Variants in GRIN2B observed in about 807,000 individuals in gnomAD.
The protein encoded by GRIN2B is glutamate ionotropic receptor NMDA type subunit 2B.
Under a neutral mutation model 114.5 loss-of-function variants are expected in GRIN2B, and 5 were observed. That is an observed-to-expected ratio of 0.04 (90% CI 0.02 to 0.09). The LOEUF is 0.09. Among genes scored for constraint, GRIN2B ranks in the 10% least tolerant of loss-of-function variants. The pLI, the probability that GRIN2B is intolerant of heterozygous loss-of-function variation, is 1.00. For missense variants in GRIN2B, 1,108 were observed against 1,943.5 expected (o/e 0.57, Z 8.08); for synonymous variants, 787 against 745.1 (o/e 1.06, Z -0.92).
rs1441711429 is a variant in GRIN2B at position 13,558,933 on chromosome 12, ACT to A, written c.*3848_*3849del. The A allele has an allele frequency of 1.3e-5, 2 of 152,200 alleles. No individual in the cohort carries two copies. The highest frequency in any genetic ancestry group is 2.9e-5 in the Non-Finnish European group (2 of 68,060). The allele number at this position is 152,200 out of a possible 1,614,324, so 9.4% of individuals were successfully genotyped here. On this transcript the variant is annotated 3_prime_UTR_variant, in exon 14 of 14. Coordinates refer to ENST00000609686, the MANE Select transcript of GRIN2B (RefSeq NM_000834.5). The stretch of plus-strand genomic sequence containing the variant: ...CTGAAAGGAGTTCATACAGGACCAC[ACT>A]CACCAACCACTTCTGCAATGGAAGG...
At chr12:13,792,038 A>G (rs996456773) in intron 3 of GRIN2B, among the ~76,000 whole-genome samples, 7 of 152,208 alleles carry the variant, frequency 4.6e-5, no homozygotes, top group African/African-American at 1.4e-4. Flanking sequence ...GCTCCCATAG[A>G]TGGATGAGAA....
Position 13,564,064 on chromosome 12 carries a change from G to GGGTT in GRIN2B, c.3173_3174insAACC (p.Asp1059ThrfsTer5), listed in dbSNP as rs758734049. 1 of 1,614,154 alleles carries GGGTT rather than the reference G, an allele frequency of 6.2e-7. No individual in the cohort carries two copies. The highest frequency in any genetic ancestry group is 8.5e-7 in the Non-Finnish European group (1 of 1,179,990). On this transcript the variant is annotated frameshift_variant, in exon 14 of 14. Coordinates refer to ENST00000609686, the MANE Select transcript of GRIN2B (RefSeq NM_000834.5). LOFTEE classifies it high-confidence loss of function. The surrounding 1 kb of genome is among the most constrained non-coding windows in gnomAD (Gnocchi z 4.8). ...TGTGGGTTGAGATGTCAGAGACATC[G>GGGTT]GAGCGGATCAAGTCGTCGTGGCCAC...
chr12:13,621,579 T>C (rs1300049320), intron 5 of GRIN2B, among the ~76,000 whole-genome samples: 2 of 134,952 alleles, frequency 1.5e-5, no homozygotes, highest in Non-Finnish European at 3.2e-5. Flanking sequence ...CAAAATCATC[T>C]TTTTCAAGAG....
chr12:13,721,264 GA>G (rs2136593116), intron 4 of GRIN2B, among the ~76,000 whole-genome samples: 1 of 152,136 alleles, frequency 6.6e-6, no homozygotes, highest in East Asian at 1.9e-4. Flanking sequence ...AAGGGGAATA[GA>G]AAAAGTAAGG....
chr12:13,666,243 C>T (rs1949974214), intron 5 of GRIN2B, among the ~76,000 whole-genome samples: 1 of 152,138 alleles, frequency 6.6e-6, no homozygotes, highest in Non-Finnish European at 1.5e-5. Context: ...TCCCCTGGCA[C>T]AGATTTGCTT....
intron 10 of GRIN2B, among the ~76,000 whole-genome samples, chr12:13,578,916 C>T (rs539115752): frequency 6.6e-6 from 1 of 151,998 alleles, no homozygotes; most frequent in East Asian, 1.9e-4. Flanking sequence ...GCTCAGGAAA[C>T]AGCAAATGCA....
chr12:13,588,627 G>A (rs1000954379), intron 10 of GRIN2B, among the ~76,000 whole-genome samples: 1 of 152,194 alleles, frequency 6.6e-6, no homozygotes, highest in Non-Finnish European at 1.5e-5. Context: ...ACAGGAACAG[G>A]CTTTGTCAAA....
intron 4 of GRIN2B, among the ~76,000 whole-genome samples, chr12:13,689,332 C>T (rs1170446462): frequency 3.3e-5 from 5 of 152,140 alleles, no homozygotes; most frequent in Non-Finnish European, 5.9e-5. Flanking sequence ...ACTTATGAAG[C>T]ACTTGGAAAG....
intron 3 of GRIN2B, among the ~76,000 whole-genome samples, chr12:13,857,313 T>C (rs1366992093): frequency 2.0e-5 from 3 of 152,182 alleles, no homozygotes; most frequent in Non-Finnish European, 4.4e-5. Context: ...ACACATATAT[T>C]ACAGGCCACT....
chr12:13,627,269 G>C (rs373180674), intron 5 of GRIN2B, among the ~76,000 whole-genome samples: 2 of 152,150 alleles, frequency 1.3e-5, no homozygotes, highest in East Asian at 3.9e-4. Context: ...GTTCTGTTGA[G>C]ATGATCCAGT....
intron 5 of GRIN2B, 52 bp from the exon 6 acceptor site, chr12:13,616,709 A>C (rs1298840214): frequency 2.2e-6 from 3 of 1,383,684 alleles, no homozygotes; most frequent in Non-Finnish European, 3.1e-6. Context: ...AACATAACAA[A>C]CAGCCTGTCC....
At chr12:13,913,810 G>A (rs754179804) in intron 2 of GRIN2B, among the ~76,000 whole-genome samples, 1 of 152,080 alleles carries the variant, frequency 6.6e-6, no homozygotes, top group Non-Finnish European at 1.5e-5. Context: ...CCACTTTCTT[G>A]CTGTGTGACC....
At chr12:13,929,961 G>A (rs145624477) in intron 2 of GRIN2B, among the ~76,000 whole-genome samples, 395 of 152,230 alleles carry the variant, frequency 2.6e-3, no homozygotes, top group Non-Finnish European at 3.9e-3. Context: ...TGAGGCGGGC[G>A]GATCACGAGG....
intron 5 of GRIN2B, among the ~76,000 whole-genome samples, chr12:13,659,196 C>G (rs886265669): frequency 2.0e-5 from 3 of 152,192 alleles, no homozygotes; most frequent in African/African-American, 7.2e-5. Flanking sequence ...AAATTGAACC[C>G]ATGAAACTGC....
At chr12:13,744,700 G>A (rs894150067) in intron 4 of GRIN2B, among the ~76,000 whole-genome samples, 2 of 152,184 alleles carry the variant, frequency 1.3e-5, no homozygotes, top group African/African-American at 4.8e-5. Flanking sequence ...CTGGACAAGA[G>A]GGAACAGATT....
chr12:13,752,472 CTT>C (rs1422040316), intron 4 of GRIN2B, among the ~76,000 whole-genome samples: 1 of 152,174 alleles, frequency 6.6e-6, no homozygotes, highest in Non-Finnish European at 1.5e-5. Flanking sequence ...TTTAAGATCA[CTT>C]TTATTTCTAA....
chr12:13,947,510 G>A (rs1379550728), intron 2 of GRIN2B, among the ~76,000 whole-genome samples: 1 of 151,968 alleles, frequency 6.6e-6, no homozygotes, highest in Admixed American at 6.6e-5. Context: ...GGCCCATAAA[G>A]GGAAAAAAAG....
chr12:13,769,473 G>A (rs1478280442), intron 3 of GRIN2B, among the ~76,000 whole-genome samples: 1 of 152,162 alleles, frequency 6.6e-6, no homozygotes, highest in Non-Finnish European at 1.5e-5. Flanking sequence ...CTCTGGAGCT[G>A]TAAGGGTATA....
chr12:13,756,701 A>G (rs1863582672), intron 3 of GRIN2B, among the ~76,000 whole-genome samples: 1 of 152,258 alleles, frequency 6.6e-6, no homozygotes, highest in Admixed American at 6.5e-5. Context: ...ATAAATGAAC[A>G]GATCTTATCA....
Sources: gnomAD v4.1 joint callset for allele counts (sites outside exome capture counted in the v4.1 genomes callset) on GRCh38, gnomAD v4.1.1 for gene constraint, Gnocchi (gnomAD v3.1) non-coding constraint, MANE v1.5 for transcripts, NCBI Gene and HGNC (gene_info 2026-07-23, HGNC 2026-07-21) for gene names.